Variants in MYOM1 observed in about 807,000 individuals in gnomAD.
MYOM1 encodes myomesin-1.
A neutral mutation model predicts 205.3 loss-of-function variants in MYOM1; 164 were observed. The observed-to-expected ratio is 0.80, with a 90% CI of 0.70 to 0.91. MYOM1 has a LOEUF of 0.91. MYOM1 is among the 40% of genes least tolerant of loss of function. MYOM1 has a pLI of 0.00. For synonymous variants in MYOM1, 772 were observed against 789.4 expected, an observed-to-expected ratio of 0.98 and a Z score of 0.37; for missense variants, 2,011 against 2,127.3, an observed-to-expected ratio of 0.95 and a Z score of 1.08.
chr18:3,189,390 G>C lies in MYOM1; in HGVS notation c.432-303C>G, dbSNP rs777995715. ...TTTTTTTTTTTTGATATGGAGTCTC[G>C]CTCTTGTTGCCCAGGCTGGAGTGCA... On this transcript the variant is annotated intron_variant, in intron 3 of 37. Transcript: ENST00000356443. The surrounding 1 kb of genome is among the most constrained non-coding windows in gnomAD (Gnocchi z 4.8). Among the ~76,000 whole-genome samples the C allele has an allele frequency of 6.9e-6, 1 of 145,338 alleles. No individual in the cohort carries two copies. The highest frequency in any genetic ancestry group is 1.5e-5 in the Non-Finnish European group (1 of 66,844).
intron 5 of MYOM1, among the ~76,000 whole-genome samples, chr18:3,178,668 T>C (rs1018655915): frequency 6.6e-6 from 1 of 152,186 alleles, no homozygotes; most frequent in Non-Finnish European, 1.5e-5. Context: ...CCCGAACTCA[T>C]CCTTCAAGAT....
chr18:3,066,961 A>C lies in MYOM1; in HGVS notation c.*301T>G. ...CAAATCCCAATTCGCCCCACGACACATTCGTCTGCCCTCTGACCATCATTC... is the reference window on the plus strand; with the variant it reads ...CAAATCCCAATTCGCCCCACGACACCTTCGTCTGCCCTCTGACCATCATTC... On this transcript the variant is annotated 3_prime_UTR_variant, in exon 38 of 38. Transcript: ENST00000356443. 2.9e-6 allele frequency: 1 copy of C among 343,300 alleles called. No homozygotes were observed. Among genetic ancestry groups the C allele is most frequent in the Non-Finnish European group, 5.5e-6 (1 of 183,004 alleles). The allele number at this position is 343,300 out of a possible 1,614,324, so 21.3% of individuals were successfully genotyped here.
In MYOM1 at chr18:3,189,230, G is replaced by C; in HGVS notation, c.432-143C>G. The stretch of plus-strand genomic sequence containing the variant: ...CGACATAGAAAAAGCAGGTGAATCA[G>C]AAGCTGACACTTCATGTACAGAAGT... On this transcript the variant is annotated intron_variant, in intron 3 of 37. Transcript: ENST00000356443. The surrounding 1 kb of genome is among the most constrained non-coding windows in gnomAD (Gnocchi z 4.8). The C allele has an allele frequency of 1.4e-6, 1 of 726,570 alleles. No homozygotes were observed. The highest frequency in any genetic ancestry group is 2.2e-6 in the Non-Finnish European group (1 of 453,158). The allele number at this position is 726,570 out of a possible 1,614,324, so 45.0% of individuals were successfully genotyped here.
At chr18:3,206,951 A>G (rs529332342) in intron 2 of MYOM1, among the ~76,000 whole-genome samples, 1 of 152,112 alleles carries the variant, frequency 6.6e-6, no homozygotes, top group Admixed American at 6.5e-5. Flanking sequence ...TTTATCTTAC[A>G]CTAATCTCTT....
chr18:3,104,155 C>T (rs187449201), intron 22 of MYOM1, among the ~76,000 whole-genome samples: 128 of 152,180 alleles, frequency 8.4e-4, no homozygotes, highest in African/African-American at 2.6e-3. Context: ...ACTCTATTTT[C>T]GTATAATAAA....
intron 22 of MYOM1, among the ~76,000 whole-genome samples, chr18:3,108,147 G>T (rs763038153): frequency 1.3e-5 from 2 of 152,194 alleles, no homozygotes; most frequent in African/African-American, 4.8e-5. Context: ...AAGAACCTCT[G>T]AGCCTTCAGG....
intron 25 of MYOM1, among the ~76,000 whole-genome samples, chr18:3,099,834 A>G (rs2079354315): frequency 6.6e-6 from 1 of 152,236 alleles, no homozygotes; most frequent in Non-Finnish European, 1.5e-5. Context: ...ATATATCCAG[A>G]AAATATATAT....
At chr18:3,126,371 A>G (rs2079782987) in intron 19 of MYOM1, among the ~76,000 whole-genome samples, 1 of 148,196 alleles carries the variant, frequency 6.7e-6, no homozygotes, top group Non-Finnish European at 1.5e-5. Flanking sequence ...GGATCCTGGG[A>G]CTCTTGAGGC....
chr18:3,167,933 C>A (rs544584425), intron 9 of MYOM1, among the ~76,000 whole-genome samples: 18 of 152,268 alleles, frequency 1.2e-4, no homozygotes, highest in Admixed American at 7.2e-4. Flanking sequence ...AAGCCAGAGT[C>A]AGAGGAACTG....
At chr18:3,186,379 T>C (rs1424660087) in intron 5 of MYOM1, among the ~76,000 whole-genome samples, 2 of 152,090 alleles carry the variant, frequency 1.3e-5, no homozygotes, top group African/African-American at 4.8e-5. Context: ...CTAAGGTGCA[T>C]TTACCACCAC....
At chr18:3,155,371 G>A (rs894060976) in intron 10 of MYOM1, among the ~76,000 whole-genome samples, 17 of 152,232 alleles carry the variant, frequency 1.1e-4, no homozygotes, top group Admixed American at 4.6e-4. Flanking sequence ...ACAGGCACCC[G>A]CCACCACGCC....
At chr18:3,090,897 G>T in intron 26 of MYOM1, 95 bp from the exon 27 acceptor site, 1 of 1,483,732 alleles carries the variant, frequency 6.7e-7, no homozygotes, top group Non-Finnish European at 9.2e-7. Context: ...AAACCCCAAA[G>T]GCTAGATGCA....
At chr18:3,237,957 A>G in the MYOM1 span, among the ~76,000 whole-genome samples, 8 of 152,184 alleles carry the variant, frequency 5.3e-5, no homozygotes, top group African/African-American at 1.4e-4. Context: ...TTCGAGGAAG[A>G]CGATATTTCC....
Position 3,120,007 on chromosome 18 carries a change from A to G in MYOM1, c.2992-12T>C. ...TTCAAGTTGCTAATCTGCAACATTG[A>G]CAACATCACAGATACTGAATGTTCC... is the stretch of plus-strand genomic sequence containing the variant. On this transcript the variant is annotated splice_polypyrimidine_tract_variant and intron_variant, in intron 19 of 37. Coordinates refer to ENST00000356443, the MANE Select transcript of MYOM1 (RefSeq NM_003803.4). 2 of 1,580,496 alleles carry G rather than the reference A, an allele frequency of 1.3e-6. No homozygotes were observed. Among genetic ancestry groups the G allele is most frequent in the East Asian group, 4.5e-5 (2 of 44,058 alleles).
intron 34 of MYOM1, among the ~76,000 whole-genome samples, chr18:3,076,611 G>A (rs2079023338): frequency 6.6e-6 from 1 of 152,102 alleles, no homozygotes; most frequent in African/African-American, 2.4e-5. Flanking sequence ...TGATGGAGAG[G>A]GGATGAAAGG....
chr18:3,210,474 C>A (rs2144242835), intron 2 of MYOM1, among the ~76,000 whole-genome samples: 1 of 152,230 alleles, frequency 6.6e-6, no homozygotes, highest in South Asian at 2.1e-4. Context: ...GTGTTTTCAT[C>A]CCCAAACTGC....
chr18:3,089,427 C>A, intron 28 of MYOM1, 110 bp downstream of exon 28: 1 of 781,640 alleles, frequency 1.3e-6, no homozygotes, highest in Non-Finnish European at 2.0e-6. Context: ...ATTTACTAGG[C>A]ATTATTAACA....
the MYOM1 span, among the ~76,000 whole-genome samples, chr18:3,227,798 C>T: frequency 3.3e-5 from 5 of 151,710 alleles, no homozygotes; most frequent in African/African-American, 4.8e-5. Flanking sequence ...GCCAGGGGGC[C>T]GTACGAGACT....
chr18:3,108,960 C>T (rs997395036), intron 22 of MYOM1, among the ~76,000 whole-genome samples: 1 of 151,446 alleles, frequency 6.6e-6, no homozygotes, highest in East Asian at 2.0e-4. Context: ...CTATAACATC[C>T]TCCTCAAATT....
Sources: allele counts gnomAD v4.1 joint callset (sites outside exome capture counted in the v4.1 genomes callset), GRCh38; gene constraint gnomAD v4.1.1; non-coding constraint Gnocchi (gnomAD v3.1); transcripts MANE v1.5; gene names NCBI Gene and HGNC (gene_info 2026-07-23, HGNC 2026-07-21).